The following N4BP1 variants were observed in gnomAD, a reference collection of about 807,000 sequenced individuals.
N4BP1 encodes the protein NEDD4-binding protein 1.
A neutral mutation model predicts 70.9 loss-of-function variants in N4BP1; 21 were observed. The observed-to-expected ratio is 0.30, with a 90% CI of 0.21 to 0.43. N4BP1 has a LOEUF of 0.43. Among genes scored for constraint, N4BP1 ranks in the 20% least tolerant of loss-of-function variants. The pLI, the probability that N4BP1 is intolerant of heterozygous loss-of-function variation, is 1.00. For missense variants in N4BP1, 936 were observed against 1,069.4 expected, an observed-to-expected ratio of 0.88 and a Z score of 1.74; for synonymous variants, 387 against 394.6, an observed-to-expected ratio of 0.98 and a Z score of 0.23.
intron 1 of N4BP1, among the ~76,000 whole-genome samples, chr16:48,608,676 G>A (rs1413617710): frequency 6.6e-6 from 1 of 151,674 alleles, no homozygotes; most frequent in East Asian, 1.9e-4. Context: ...AGTAGATAGA[G>A]GTGCTGAAGA....
chr16:48,604,698 T>A (rs111231229), intron 1 of N4BP1, among the ~76,000 whole-genome samples: 3 of 152,350 alleles, frequency 2.0e-5, no homozygotes, highest in African/African-American at 7.2e-5. Context: ...ACTGTTTTTT[T>A]AAAATATGTA....
chr16:48,596,732 TGA>T (rs1964419465), intron 1 of N4BP1, among the ~76,000 whole-genome samples: 1 of 152,208 alleles, frequency 6.6e-6, no homozygotes, highest in Admixed American at 6.5e-5. Flanking sequence ...GAAACAAAAC[TGA>T]TAATAGCCCT....
chr16:48,584,610 C>A (rs1284162698), intron 1 of N4BP1, among the ~76,000 whole-genome samples: 5 of 149,698 alleles, frequency 3.3e-5, no homozygotes, highest in Admixed American at 6.7e-5. Context: ...CTTTTAAGGA[C>A]AAAAAAAAAC....
chr16:48,601,534 G>A (rs1238643118), intron 1 of N4BP1, among the ~76,000 whole-genome samples: 1 of 152,052 alleles, frequency 6.6e-6, no homozygotes, highest in Non-Finnish European at 1.5e-5. Context: ...AAGACTGGTA[G>A]GTAGGTAATT....
chr16:48,591,885 C>CT (rs1567443305), intron 1 of N4BP1, among the ~76,000 whole-genome samples: 85 of 94,912 alleles, frequency 9.0e-4, no homozygotes, highest in African/African-American at 5.2e-3. Context: ...TGTTACCTGA[C>CT]GTTTTTTTTT....
rs370918615 is a variant in N4BP1, at chr16:48,561,917, A to T, written c.726T>A (p.Thr242=). The T allele has an allele frequency of 2.6e-5, 42 of 1,613,980 alleles. No individual in the cohort carries two copies. The highest frequency in any genetic ancestry group is 3.2e-5 in the Non-Finnish European group (38 of 1,179,888). The change falls in exon 2 of 7, where the codon ACT becomes ACA. Residue 242 remains threonine, a synonymous_variant. Transcript: ENST00000262384. The part of the protein sequence containing the change: ...LQEEARNKAG[T]PVSELTKQMD... ...TTTGTTTTGTAAGCTCAGAAACAGG[A>T]GTCCCAGCTTTATTTCTTGCCTCTT...
Position 48,594,906 on chromosome 16 carries a change from CCA to C in N4BP1, c.198+14867_198+14868del, listed in dbSNP as rs982106593. 1.2e-4 allele frequency among the ~76,000 whole-genome samples: 19 copies of C among 152,066 alleles called. 1 individual carries two copies. The highest frequency in any genetic ancestry group is 4.6e-4 in the African/African-American group (19 of 41,404). ...TGGCTGCCCTAAAATGTTTTTTCATCCACAGACAACTGTCTTGTTTTGATCCT... is the reference window on the plus strand; with the variant it reads ...TGGCTGCCCTAAAATGTTTTTTCATCCAGACAACTGTCTTGTTTTGATCCT... On this transcript the variant is annotated intron_variant, in intron 1 of 6. Transcript: ENST00000262384.
intron 1 of N4BP1, among the ~76,000 whole-genome samples, chr16:48,576,037 A>T (rs79963162): frequency 2.1e-5 from 3 of 146,044 alleles, no homozygotes; most frequent in Non-Finnish European, 3.0e-5. Context: ...TTAGTATGCT[A>T]TTTTTTTTTT....
At chr16:48,552,083 G>C (rs1252725036) in intron 3 of N4BP1, among the ~76,000 whole-genome samples, 1 of 152,196 alleles carries the variant, frequency 6.6e-6, no homozygotes, top group African/African-American at 2.4e-5. Flanking sequence ...GAGACCCTGA[G>C]AGAGGGTAGG....
chr16:48,541,794 A>C lies in N4BP1; in HGVS notation c.*1110T>G, dbSNP rs887777691. 1 of 152,664 alleles carries C rather than the reference A, an allele frequency of 6.6e-6. No homozygotes were observed. Among genetic ancestry groups the C allele is most frequent in the Non-Finnish European group, 1.5e-5 (1 of 68,056 alleles). The allele number at this position is 152,664 out of a possible 1,614,324, so 9.5% of individuals were successfully genotyped here. ...CAATATTAAGATATCAATTCTGAGA[A>C]AGACTCACAGGAAAGGCTGTTTAGG... On this transcript the variant is annotated 3_prime_UTR_variant, in exon 7 of 7. Transcript: ENST00000262384.
At chr16:48,564,791 C>G (rs544000405) in intron 1 of N4BP1, among the ~76,000 whole-genome samples, 34 of 152,324 alleles carry the variant, frequency 2.2e-4, no homozygotes, top group African/African-American at 8.2e-4. Context: ...TCTCCTGATC[C>G]ATGAACCTGG....
In N4BP1 at chr16:48,547,987, G is replaced by A. The variant is rs779085346; in HGVS notation, c.2225+20C>T. On this transcript the variant is annotated intron_variant, in intron 5 of 6. Coordinates refer to ENST00000262384, the MANE Select transcript of N4BP1 (RefSeq NM_153029.4). ...TAAAAACAAAACTTTTCTGACCAAA[G>A]ACAAAGAAGAAAATATTACCTTTTT... 4 of 1,447,144 alleles carry A rather than the reference G, an allele frequency of 2.8e-6. No homozygotes were observed. Among genetic ancestry groups the A allele is most frequent in the Non-Finnish European group, 2.9e-6 (3 of 1,035,858 alleles). The allele number at this position is 1,447,144 out of a possible 1,614,324, so 89.6% of individuals were successfully genotyped here. A position where few individuals can be genotyped will look rare whatever the true frequency, so the allele number is the denominator to read the frequency against.
intron 5 of N4BP1, among the ~76,000 whole-genome samples, chr16:48,546,787 G>A (rs2151085004): frequency 6.6e-6 from 1 of 152,358 alleles, no homozygotes; most frequent in East Asian, 1.9e-4. Context: ...CCAAGTGCCT[G>A]TGCTTGTTGT....
intron 1 of N4BP1, among the ~76,000 whole-genome samples, chr16:48,606,912 T>C (rs573270779): frequency 4.6e-5 from 7 of 152,314 alleles, no homozygotes; most frequent in Non-Finnish European, 8.8e-5. Flanking sequence ...TAACTTAAAA[T>C]ATTATAGATG....
In N4BP1 at chr16:48,562,382, C is replaced by T; in HGVS notation, c.261G>A (p.Met87Ile). 6.2e-7 allele frequency: 1 copy of T among 1,613,730 alleles called. No individual in the cohort carries two copies. The highest frequency in any genetic ancestry group is 8.5e-7 in the Non-Finnish European group (1 of 1,179,756). Residue 87 changes from methionine (M) to isoleucine (I), a missense_variant, in exon 2 of 7, where the codon ATG becomes ATA. Transcript: ENST00000262384. ...TCTCTGCCCCAACAAAAATGCAGTG[C>T]ATGTCCTTGGGGTAACATTCTCTTT... ...LEERECYPKD[M>I]HCIFVGAESL...
At chr16:48,580,025 C>T (rs1964153574) in intron 1 of N4BP1, among the ~76,000 whole-genome samples, 1 of 151,926 alleles carries the variant, frequency 6.6e-6, no homozygotes, top group South Asian at 2.1e-4. Flanking sequence ...CATCAACACA[C>T]CACTTTCAGT....
At chr16:48,581,498 C>A (rs1214204917) in intron 1 of N4BP1, among the ~76,000 whole-genome samples, 1 of 152,002 alleles carries the variant, frequency 6.6e-6, no homozygotes, top group Non-Finnish European at 1.5e-5. Context: ...ATATAGGAAA[C>A]CCCTAACAGT....
intron 1 of N4BP1, among the ~76,000 whole-genome samples, chr16:48,592,406 G>A (rs1964351979): frequency 6.6e-6 from 1 of 152,210 alleles, no homozygotes; most frequent in Non-Finnish European, 1.5e-5. Flanking sequence ...AGCTGTGCCT[G>A]CTTTTTAGGC....
intron 1 of N4BP1, among the ~76,000 whole-genome samples, chr16:48,592,126 G>A (rs1160640193): frequency 6.6e-6 from 1 of 152,096 alleles, no homozygotes; most frequent in South Asian, 2.1e-4. Flanking sequence ...CATGGGGGAT[G>A]GGCTAATTAC....
Sources: gnomAD v4.1 joint callset for allele counts (sites outside exome capture counted in the v4.1 genomes callset) on GRCh38, gnomAD v4.1.1 for gene constraint, MANE v1.5 for transcripts, NCBI Gene and HGNC (gene_info 2026-07-23, HGNC 2026-07-21) for gene names.